PZP: variants seen among roughly 807,000 people sequenced by gnomAD.
PZP encodes the protein PZP alpha-2-macroglobulin like, also known as pregnancy zone protein.
In PZP, 150 loss-of-function variants were observed where a neutral mutation model predicts 179.8. That is an observed-to-expected ratio of 0.83 (90% CI 0.73 to 0.96). The LOEUF is 0.96. Among genes scored for constraint, PZP ranks in the 40% least tolerant of loss-of-function variants. The pLI is 0.00. For synonymous variants in PZP, 624 were observed against 652.3 expected, an observed-to-expected ratio of 0.96 and a Z score of 0.66; for missense variants, 1,689 against 1,764.0, an observed-to-expected ratio of 0.96 and a Z score of 0.76.
chr12:9,160,260 A>G, intron 24 of PZP, 54 bp downstream of exon 24: 1 of 1,487,576 alleles, frequency 6.7e-7, no homozygotes, highest in South Asian at 1.2e-5. Context: ...CTGAAGCTTA[A>G]TTGGGAAAAG....
At position 9,187,219 on chromosome 12, in the gene PZP, G is replaced by A. The variant is rs147591705; in HGVS notation, c.1546+4974C>T. Among the ~76,000 whole-genome samples, 88 of 152,118 alleles carry A rather than the reference G, an allele frequency of 5.8e-4. 3 individuals carry two copies. In the East Asian group the frequency reaches 0.016, roughly 27 times the overall value. On this transcript the variant is annotated intron_variant, in intron 13 of 35. Coordinates refer to ENST00000261336, the MANE Select transcript of PZP (RefSeq NM_002864.3). Reference sequence around the variant, plus strand: ...ACAAGTGCTTAGAGACCTTCAAAGAGACTCAGACTCCCACACAATAATATT... The same window carrying A: ...ACAAGTGCTTAGAGACCTTCAAAGAAACTCAGACTCCCACACAATAATATT...
chr12:9,158,538 C>T lies in PZP; in HGVS notation c.3176G>A (p.Arg1059Gln), dbSNP rs770139108. The T allele has an allele frequency of 3.7e-6, 6 of 1,613,876 alleles. No individual in the cohort carries two copies. The highest frequency in any genetic ancestry group is 4.2e-6 in the Non-Finnish European group (5 of 1,179,994). ...TGCTTCATCAATGAAGATGTAGGAT[C>T]GAGCCTGGGCGAAAGTCTTCAGTAC... Reference protein sequence around the residue: ...AFVLKTFAQARSYIFIDEAHI... With the variant: ...AFVLKTFAQAQSYIFIDEAHI... Residue 1059 changes from arginine to glutamine, a missense_variant, in exon 26 of 36, where the codon CGA becomes CAA. Physicochemically the swap from Arg to Gln is conservative, Grantham distance 43. Transcript: ENST00000261336.
At position 9,202,652 on chromosome 12, in the gene PZP, T is replaced by A. The variant is rs761016654; in HGVS notation, c.300A>T (p.Ala100=). 3 of 1,614,160 alleles carry A rather than the reference T, an allele frequency of 1.9e-6. No individual in the cohort carries two copies. The South Asian group carries it at 3.3e-5, about 18-fold the overall frequency. ...GCCCCTTTATCTGGATGCTAAGGAA[T>A]GCCACCTCTGAAGAGGCTGAGATCC... ...LPRISASSEV[A]FLSIQIKGPT... Residue 100 remains alanine, a synonymous_variant, in exon 3 of 36, where the codon GCA becomes GCT. Transcript: ENST00000261336.
At chr12:9,155,360 C>T (rs1348377646) in intron 28 of PZP, among the ~76,000 whole-genome samples, 2 of 152,096 alleles carry the variant, frequency 1.3e-5, no homozygotes, top group African/African-American at 2.4e-5. Context: ...CCAGAGTTAA[C>T]TACTTCCATT....
intron 10 of PZP, among the ~76,000 whole-genome samples, chr12:9,195,262 G>T (rs906504548): frequency 6.6e-6 from 1 of 151,962 alleles, no homozygotes; most frequent in Admixed American, 6.6e-5. Context: ...AAATACATTA[G>T]AAGATATTTG....
In PZP at chr12:9,202,307, G is replaced by A; in HGVS notation, c.480+12C>T. 6.2e-7 allele frequency: 1 copy of A among 1,609,390 alleles called. No individual in the cohort carries two copies. The highest frequency in any genetic ancestry group is 1.1e-5 in the South Asian group (1 of 90,992). ...CTACCCACAACCCAAACCACAGATA[G>A]TGGATGCTTACCAGTTCATTTCGAG... is the stretch of plus-strand genomic sequence containing the variant. On this transcript the variant is annotated intron_variant, in intron 4 of 35. Coordinates refer to ENST00000261336, the MANE Select transcript of PZP (RefSeq NM_002864.3).
chr12:9,162,678 G>A, intron 21 of PZP, 30 bp from the exon 22 acceptor site: 1 of 1,526,408 alleles, frequency 6.6e-7, no homozygotes, highest in Non-Finnish European at 9.1e-7. Context: ...AAGGAGAAAA[G>A]ATAGAAACAT....
intron 18 of PZP, 39 bp downstream of exon 18, chr12:9,166,013 C>T: frequency 6.4e-7 from 1 of 1,569,848 alleles, no homozygotes; most frequent in Non-Finnish European, 8.6e-7. Context: ...AACCACATTC[C>T]CTCCCCTCCA....
chr12:9,202,291 A>T, intron 4 of PZP, 28 bp downstream of exon 4: 1 of 1,595,754 alleles, frequency 6.3e-7, no homozygotes. Context: ...TCTACCCACA[A>T]CCCAAACCAC....
rs1434676968 is a variant in PZP at position 9,152,215 on chromosome 12, C to G, written c.4212+5G>C. 3.8e-6 allele frequency: 6 copies of G among 1,577,202 alleles called. No individual in the cohort carries two copies. In the South Asian group the frequency reaches 5.5e-5, roughly 15 times the overall value. On this transcript the variant is annotated splice_donor_5th_base_variant and intron_variant, in intron 32 of 35. Transcript: ENST00000261336. Reference sequence around the variant, plus strand: ...TGAAGTCTATTAGGATTAAAATACACCTACCATTTTTACTGTTGGTTTCAG... The same window carrying G: ...TGAAGTCTATTAGGATTAAAATACAGCTACCATTTTTACTGTTGGTTTCAG...
intron 28 of PZP, chr12:9,156,299 G>A (rs1940752192): frequency 9.4e-6 from 2 of 212,458 alleles, no homozygotes; most frequent in South Asian, 9.4e-5. Context: ...ACCAATAAGC[G>A]AGTCATCAAT....
intron 1 of PZP, among the ~76,000 whole-genome samples, chr12:9,206,409 A>G (rs1240981956): frequency 6.6e-6 from 1 of 152,184 alleles, no homozygotes; most frequent in African/African-American, 2.4e-5. Context: ...ATCAGAACAA[A>G]TCCAGGTTGA....
chr12:9,168,065 C>T (rs777412338), intron 17 of PZP, among the ~76,000 whole-genome samples: 74 of 152,178 alleles, frequency 4.9e-4, no homozygotes, highest in African/African-American at 1.8e-3. Context: ...TCTTAAATGC[C>T]AAGGAACATA....
chr12:9,203,344 T>G (rs1944274594), intron 2 of PZP, among the ~76,000 whole-genome samples: 2 of 125,966 alleles, frequency 1.6e-5, no homozygotes, highest in African/African-American at 8.1e-5. Context: ...TTCCTTTTTT[T>G]TTTTTTTTTT....
the PZP span, among the ~76,000 whole-genome samples, chr12:9,142,014 A>G: frequency 6.6e-6 from 1 of 152,194 alleles, no homozygotes; most frequent in African/African-American, 2.4e-5. Context: ...TCCCTTTTAT[A>G]AATTTTTTCA....
intron 14 of PZP, 64 bp from the exon 15 acceptor site, chr12:9,181,196 G>T: frequency 6.2e-7 from 1 of 1,603,050 alleles, no homozygotes; most frequent in Non-Finnish European, 8.5e-7. Flanking sequence ...GCAGTCACCT[G>T]CATTTCCTAA....
chr12:9,185,790 ATTTCTTTTCT>A (rs71045238), intron 13 of PZP, among the ~76,000 whole-genome samples: 6 of 134,266 alleles, frequency 4.5e-5, no homozygotes, highest in Non-Finnish European at 7.8e-5. Flanking sequence ...TATGTTCAAC[ATTTCTTTTCT>A]TTTCTTTTCT....
At chr12:9,180,051 C>G (rs1215857185) in intron 15 of PZP, among the ~76,000 whole-genome samples, 1 of 152,192 alleles carries the variant, frequency 6.6e-6, no homozygotes, top group East Asian at 1.9e-4. Context: ...CTATATGAGA[C>G]AGCTTGAGAA....
intron 15 of PZP, among the ~76,000 whole-genome samples, chr12:9,175,696 A>G (rs1180258401): frequency 1.3e-5 from 2 of 152,244 alleles, no homozygotes; most frequent in Non-Finnish European, 2.9e-5. Context: ...GCCAACAAAC[A>G]TATGAAGAAA....
Sources: gnomAD v4.1 joint callset for allele counts (sites outside exome capture counted in the v4.1 genomes callset) on GRCh38, gnomAD v4.1.1 for gene constraint, MANE v1.5 for transcripts, NCBI Gene and HGNC (gene_info 2026-07-23, HGNC 2026-07-21) for gene names.